CLVS1: variants seen among roughly 807,000 people sequenced by gnomAD.
The protein encoded by CLVS1 is clavesin 1, also known as clavesin-1.
Under a neutral mutation model 33.1 loss-of-function variants are expected in CLVS1, and 10 were observed. The observed-to-expected ratio is 0.30, with a 90% CI of 0.19 to 0.51. CLVS1 has a LOEUF of 0.51. Among genes scored for constraint, CLVS1 ranks in the 20% least tolerant of loss-of-function variants. CLVS1 has a pLI of 0.97. For missense variants in CLVS1, 343 were observed against 433.4 expected, an observed-to-expected ratio of 0.79 and a Z score of 1.85; for synonymous variants, 163 against 166.1, an observed-to-expected ratio of 0.98 and a Z score of 0.14.
At chr8:61,076,514 G>T (rs569972854) in intron 1 of CLVS1, among the ~76,000 whole-genome samples, 2 of 152,326 alleles carry the variant, frequency 1.3e-5, no homozygotes, top group South Asian at 4.1e-4. Flanking sequence ...TTTCTGCAGT[G>T]CTGGCAGGAT....
chr8:61,163,068 G>C (rs1806782682), intron 2 of CLVS1, among the ~76,000 whole-genome samples: 1 of 152,148 alleles, frequency 6.6e-6, no homozygotes, highest in South Asian at 2.1e-4. Context: ...TTAGTCCTAG[G>C]AAAGTCCAAC....
intron 1 of CLVS1, among the ~76,000 whole-genome samples, chr8:61,059,471 CATACATATATATATAT>C (rs950658606): frequency 1.3e-4 from 3 of 22,990 alleles, no homozygotes; most frequent in African/African-American, 4.9e-4. Context: ...TACATACATA[CATACATATATATATAT>C]ATATATATAT....
chr8:61,411,753 C>A (rs1815234634), intron 3 of CLVS1, among the ~76,000 whole-genome samples: 1 of 152,208 alleles, frequency 6.6e-6, no homozygotes, highest in Non-Finnish European at 1.5e-5. Flanking sequence ...GGTGGGTCAC[C>A]TTCCTTCTCT....
rs115275391 is a variant in CLVS1 at position 61,499,662 on chromosome 8, T to C, written c.*120T>C. ...TTCTGCTTGACACAAGGTCCTCCAC[T>C]CCTGAACCCCTGCAGTGACTGTCAC... On this transcript the variant is annotated 3_prime_UTR_variant, in exon 6 of 6. Transcript: ENST00000325897. The C allele has an allele frequency of 2.8e-3, 1,823 of 643,922 alleles. 21 individuals are homozygous for C. In the African/African-American group the frequency reaches 0.029, roughly 10 times the overall value. The allele number at this position is 643,922 out of a possible 1,614,324, so 39.9% of individuals were successfully genotyped here.
At chr8:61,000,080 G>T in the CLVS1 span, among the ~76,000 whole-genome samples, 1 of 152,214 alleles carries the variant, frequency 6.6e-6, no homozygotes, top group Non-Finnish European at 1.5e-5. Context: ...TCAAGATACA[G>T]GAGTTCTTTA....
intron 1 of CLVS1, among the ~76,000 whole-genome samples, chr8:61,120,748 G>A (rs1397336740): frequency 1.2e-3 from 178 of 142,550 alleles, no homozygotes; most frequent in East Asian, 5.7e-3. Flanking sequence ...CTCCAGCTGC[G>A]TGCTGGGAGA....
At chr8:61,267,558 T>G (rs1809336269) in intron 2 of CLVS1, among the ~76,000 whole-genome samples, 1 of 152,212 alleles carries the variant, frequency 6.6e-6, no homozygotes, top group African/African-American at 2.4e-5. Context: ...GAAAATTATC[T>G]TCAGCCTTGA....
chr8:61,433,612 C>G lies in CLVS1; in HGVS notation c.631-20529C>G, dbSNP rs542115941. ...TGCTTACACGGTGCCCTGGAGCAGG[C>G]ATACCAGGAGCGTCTGACTCTGTGG... is the stretch of plus-strand genomic sequence containing the variant. On this transcript the variant is annotated intron_variant, in intron 3 of 5. Transcript: ENST00000325897. 1.3e-3 allele frequency among the ~76,000 whole-genome samples: 199 copies of G among 152,200 alleles called. 1 individual carries two copies. Among genetic ancestry groups the G allele is most frequent in the Non-Finnish European group, 1.8e-3 (122 of 68,002 alleles).
At chr8:61,278,448 T>C (rs1417365140) in intron 2 of CLVS1, among the ~76,000 whole-genome samples, 1 of 152,240 alleles carries the variant, frequency 6.6e-6, no homozygotes, top group Non-Finnish European at 1.5e-5. Flanking sequence ...GATCCTCGTA[T>C]AGATGTGTTT....
intron 3 of CLVS1, among the ~76,000 whole-genome samples, chr8:61,452,441 GAA>G (rs1328579785): frequency 6.6e-6 from 1 of 152,108 alleles, no homozygotes; most frequent in Non-Finnish European, 1.5e-5. Context: ...TTTAGTATGT[GAA>G]ATAATGAATT....
chr8:61,036,242 T>C, the CLVS1 span, among the ~76,000 whole-genome samples: 1 of 152,358 alleles, frequency 6.6e-6, no homozygotes, highest in Middle Eastern at 3.4e-3. Flanking sequence ...GGAAATGAGG[T>C]CTTCTGAAAC....
chr8:61,066,885 T>A (rs1231913430), intron 1 of CLVS1, among the ~76,000 whole-genome samples: 1 of 152,122 alleles, frequency 6.6e-6, no homozygotes, highest in Non-Finnish European at 1.5e-5. Flanking sequence ...CCATCTGTAG[T>A]TTTTCTGCAA....
chr8:61,061,229 C>T (rs760199932), intron 1 of CLVS1, among the ~76,000 whole-genome samples: 9 of 152,252 alleles, frequency 5.9e-5, no homozygotes, highest in South Asian at 2.1e-4. Context: ...GCTGAAGTCA[C>T]GGTTTCTTAT....
At chr8:61,354,442 TG>T (rs1371489402) in intron 2 of CLVS1, among the ~76,000 whole-genome samples, 1 of 151,946 alleles carries the variant, frequency 6.6e-6, no homozygotes, top group East Asian at 1.9e-4. Context: ...AAACTGTACA[TG>T]GGATTACCAT....
At chr8:61,267,718 C>G (rs187154047) in intron 2 of CLVS1, among the ~76,000 whole-genome samples, 1 of 152,284 alleles carries the variant, frequency 6.6e-6, no homozygotes, top group African/African-American at 2.4e-5. Context: ...ATAATCATGA[C>G]TGAGGTACAT....
chr8:61,428,045 C>G (rs1178833902), intron 3 of CLVS1, among the ~76,000 whole-genome samples: 1 of 152,208 alleles, frequency 6.6e-6, no homozygotes, highest in Admixed American at 6.5e-5. Flanking sequence ...GAGTGTTACC[C>G]TGATAGTGCT....
At chr8:61,475,262 T>A (rs973715545) in intron 5 of CLVS1, among the ~76,000 whole-genome samples, 10 of 152,256 alleles carry the variant, frequency 6.6e-5, no homozygotes, top group Admixed American at 1.3e-4. Context: ...AACATGCGTG[T>A]GCATGTGTCT....
At chr8:61,422,821 A>C (rs1272596523) in intron 3 of CLVS1, among the ~76,000 whole-genome samples, 1 of 152,202 alleles carries the variant, frequency 6.6e-6, no homozygotes, top group East Asian at 1.9e-4. Flanking sequence ...AGACTAACCG[A>C]AAGAGTAAAA....
At chr8:61,234,385 A>T (rs975713049) in intron 2 of CLVS1, among the ~76,000 whole-genome samples, 9 of 152,150 alleles carry the variant, frequency 5.9e-5, no homozygotes, top group Admixed American at 5.9e-4. Context: ...AATAGCTTAC[A>T]TTTCCGGAGT....
Sources: allele counts gnomAD v4.1 joint callset (sites outside exome capture counted in the v4.1 genomes callset), GRCh38; gene constraint gnomAD v4.1.1; transcripts MANE v1.5; gene names NCBI Gene and HGNC (gene_info 2026-07-23, HGNC 2026-07-21).